The following SHE variants were observed in gnomAD, a reference collection of about 807,000 sequenced individuals.
The protein encoded by SHE is Src homology 2 domain containing E, also known as SH2 domain-containing adapter protein E.
In SHE, 11 loss-of-function variants were observed where a neutral mutation model predicts 49.8. The observed-to-expected ratio is 0.22, with a 90% confidence interval of 0.14 to 0.37. The LOEUF is 0.37. Ranked by LOEUF, SHE falls within the 10% of genes least tolerant of loss-of-function variation. SHE has a pLI of 1.00. For synonymous variants in SHE, 310 were observed against 278.1 expected (o/e 1.11, Z -1.14); for missense variants, 624 against 655.5 (o/e 0.95, Z 0.52).
chr1:154,483,830 A>C lies in SHE; in HGVS notation c.*319T>G. ...AAGACGGCGAAACCCCATCTCTACT[A>C]AAAATACAAAAAAAAAAATTAGCTG... On this transcript the variant is annotated 3_prime_UTR_variant, in exon 6 of 6. Coordinates refer to ENST00000304760, the MANE Select transcript of SHE (RefSeq NM_001010846.3). 1.3e-6 allele frequency: 1 copy of C among 761,296 alleles called. No individual in the cohort carries two copies. Among genetic ancestry groups the C allele is most frequent in the South Asian group, 4.9e-5 (1 of 20,474 alleles). The allele number at this position is 761,296 out of a possible 1,614,324, so 47.2% of individuals were successfully genotyped here.
At position 154,481,845 on chromosome 1, in the gene SHE, G is replaced by C. The variant is rs1298743611; in HGVS notation, c.*2304C>G. On this transcript the variant is annotated 3_prime_UTR_variant, in exon 6 of 6. Transcript: ENST00000304760. ...AGTATCTGAAAAAAACATTCCTTTTGGTTTTTTGTTTGCTTGCTTGTTGAG... is the reference window on the plus strand; with the variant it reads ...AGTATCTGAAAAAAACATTCCTTTTCGTTTTTTGTTTGCTTGCTTGTTGAG... 1.0e-6 allele frequency: 1 copy of C among 968,826 alleles called. No homozygotes were observed. Among genetic ancestry groups the C allele is most frequent in the African/African-American group, 1.8e-5 (1 of 56,812 alleles). The allele number at this position is 968,826 out of a possible 1,614,324, so 60.0% of individuals were successfully genotyped here.
chr1:154,492,253 ACCAC>A (rs1484969346), intron 2 of SHE, among the ~76,000 whole-genome samples: 1 of 152,184 alleles, frequency 6.6e-6, no homozygotes, highest in Non-Finnish European at 1.5e-5. Context: ...CACTGCTTTA[ACCAC>A]CAGAGGTTCA....
rs918568566 is a variant in SHE, at chr1:154,479,909, C to T, written c.*4240G>A. On this transcript the variant is annotated 3_prime_UTR_variant, in exon 6 of 6. Coordinates refer to ENST00000304760, the MANE Select transcript of SHE (RefSeq NM_001010846.3). ...TTTTTCAAGATGGCAACTGCTGTGT[C>T]ATCATTTTCCCTTTTCTGGACTGTA... 3.0e-6 allele frequency: 3 copies of T among 985,318 alleles called. No individual in the cohort carries two copies. Among genetic ancestry groups the T allele is most frequent in the South Asian group, 9.4e-5 (2 of 21,294 alleles). 61.0% of individuals were successfully genotyped at this position (985,318 alleles called of 1,614,324 possible). A position where few individuals can be genotyped will look rare whatever the true frequency, so the allele number is the denominator to read the frequency against.
chr1:154,490,818 T>G (rs575781524), intron 2 of SHE, among the ~76,000 whole-genome samples: 3 of 151,096 alleles, frequency 2.0e-5, no homozygotes, highest in African/African-American at 7.3e-5. Context: ...CAGTGGGGAA[T>G]AACAATTATA....
intron 3 of SHE, among the ~76,000 whole-genome samples, chr1:154,487,228 C>T (rs527242983): frequency 2.0e-5 from 3 of 149,398 alleles, no homozygotes; most frequent in South Asian, 2.1e-4. Context: ...GCCAAGATTG[C>T]GCCACGGCAC....
At chr1:154,485,182 G>A (rs1436431784) in intron 5 of SHE, 2 of 152,058 alleles carry the variant, frequency 1.3e-5, no homozygotes. Flanking sequence ...TAATCCACAA[G>A]CACCAATTTC....
intron 2 of SHE, 114 bp downstream of exon 2, chr1:154,498,998 C>G (rs1449286172): frequency 7.5e-7 from 1 of 1,341,300 alleles, no homozygotes; most frequent in Admixed American, 2.3e-5. Flanking sequence ...TTCAAGTCAG[C>G]AGGATCTGGG....
At chr1:154,501,178 G>C (rs1206664237) in intron 1 of SHE, among the ~76,000 whole-genome samples, 3 of 152,130 alleles carry the variant, frequency 2.0e-5, no homozygotes, top group Non-Finnish European at 4.4e-5. Context: ...CTCATTCAAC[G>C]ACTCTTCTAA....
intron 2 of SHE, among the ~76,000 whole-genome samples, chr1:154,498,363 T>G (rs909376718): frequency 6.6e-6 from 1 of 151,300 alleles, no homozygotes; most frequent in African/African-American, 2.4e-5. Flanking sequence ...CCCAAAGTGC[T>G]GGGATTATAG....
Position 154,486,781 on chromosome 1 carries a change from A to C in SHE, c.1025-98T>G, listed in dbSNP as rs1226801586. On this transcript the variant is annotated intron_variant, in intron 3 of 5. Transcript: ENST00000304760. ...CCTTGCCTGCCTTGGCTCAGGAAAGAAGCATTTTCCCCCTTTAACATTAAC... is the reference window on the plus strand; with the variant it reads ...CCTTGCCTGCCTTGGCTCAGGAAAGCAGCATTTTCCCCCTTTAACATTAAC... 7.1e-6 allele frequency: 10 copies of C among 1,400,050 alleles called. No individual in the cohort carries two copies. In the Admixed American group the frequency reaches 1.2e-4, roughly 17 times the overall value. The allele number at this position is 1,400,050 out of a possible 1,614,324, so 86.7% of individuals were successfully genotyped here.
chr1:154,496,205 A>G lies in SHE; in HGVS notation c.718+2907T>C, dbSNP rs376358265. Among the ~76,000 whole-genome samples the G allele has an allele frequency of 2.6e-5, 4 of 152,224 alleles. No individual in the cohort carries two copies. In the East Asian group the frequency reaches 7.7e-4, roughly 29 times the overall value. On this transcript the variant is annotated intron_variant, in intron 2 of 5. Transcript: ENST00000304760. ...AGGTGCTTTGTGATATATATTCTAA[A>G]TGAAGAAACTTTAAAATCCACGAGT...
rs530873306 is a variant in SHE at position 154,499,164 on chromosome 1, G to T, written c.666C>A (p.Val222=). The part of the protein sequence containing the change: ...RTKGQRDAER[V]GENDGYMEPY... Reference sequence around the variant, plus strand: ...GTTCCATGTAACCGTCGTTCTCTCCGACTCTCTCTGCATCCCTTTGACCCT... The same window carrying T: ...GTTCCATGTAACCGTCGTTCTCTCCTACTCTCTCTGCATCCCTTTGACCCT... Residue 222 remains valine (V), a synonymous_variant, in exon 2 of 6, where the codon GTC becomes GTA. Coordinates refer to ENST00000304760, the MANE Select transcript of SHE (RefSeq NM_001010846.3). 1.2e-6 allele frequency: 2 copies of T among 1,614,070 alleles called. No homozygotes were observed. Among genetic ancestry groups the T allele is most frequent in the Non-Finnish European group, 1.7e-6 (2 of 1,180,006 alleles).
At chr1:154,494,148 G>A (rs970369458) in intron 2 of SHE, among the ~76,000 whole-genome samples, 1 of 152,084 alleles carries the variant, frequency 6.6e-6, no homozygotes, top group East Asian at 1.9e-4. Flanking sequence ...AGGGCTGCCC[G>A]ACAATTTTTT....
chr1:154,479,633 TTACA>T lies in SHE; in HGVS notation c.*4512_*4515del, dbSNP rs1437324723. ...AAGGCACTATAGATAGACACCTATA[TTACA>T]TACAATCTTCAAACATTTTTAAAAG... On this transcript the variant is annotated 3_prime_UTR_variant, in exon 6 of 6. Coordinates refer to ENST00000304760, the MANE Select transcript of SHE (RefSeq NM_001010846.3). 3 of 963,500 alleles carry T rather than the reference TTACA, an allele frequency of 3.1e-6. No individual in the cohort carries two copies. The highest frequency in any genetic ancestry group is 3.5e-5 in the African/African-American group (2 of 56,878). 59.7% of individuals were successfully genotyped at this position (963,500 alleles called of 1,614,324 possible). A position where few individuals can be genotyped will look rare whatever the true frequency, so the allele number is the denominator to read the frequency against.
intron 2 of SHE, among the ~76,000 whole-genome samples, chr1:154,494,527 GTT>G (rs199901392): frequency 2.2e-4 from 28 of 126,346 alleles, no homozygotes; most frequent in Non-Finnish European, 3.3e-4. Context: ...GGAGTTTATA[GTT>G]TTTTTTTTTT....
chr1:154,486,835 G>T, intron 3 of SHE, 152 bp from the exon 4 acceptor site: 2 of 783,958 alleles, frequency 2.6e-6, no homozygotes, highest in Non-Finnish European at 3.9e-6. Flanking sequence ...ACCCTGGCTA[G>T]CTGAGCTCCT....
chr1:154,470,501 T>TGCCATCC (rs1162574878), intron 1 of SHE: 11 of 863,114 alleles, frequency 1.3e-5, no homozygotes, highest in Non-Finnish European at 1.5e-5. Context: ...AAACAGTGTT[T>TGCCATCC]GCCATCCTCC....
chr1:154,488,865 G>A (rs1458236691), intron 3 of SHE, among the ~76,000 whole-genome samples, 186 bp downstream of exon 3: 2 of 152,222 alleles, frequency 1.3e-5, no homozygotes, highest in East Asian at 1.9e-4. Flanking sequence ...GATTACAGGC[G>A]CAAGCCACCG....
Position 154,502,133 on chromosome 1 carries a change from T to C in SHE, c.-107A>G. On this transcript the variant is annotated 5_prime_UTR_variant, in exon 1 of 6. Coordinates refer to ENST00000304760, the MANE Select transcript of SHE (RefSeq NM_001010846.3). Reference sequence around the variant, plus strand: ...CCCGGCAGGGTGGGGTTCTCACGGCTCGGGGCGCCGAGCGGGCGGGCGCTA... The same window carrying C: ...CCCGGCAGGGTGGGGTTCTCACGGCCCGGGGCGCCGAGCGGGCGGGCGCTA... 1 of 940,490 alleles carries C rather than the reference T, an allele frequency of 1.1e-6. No individual in the cohort carries two copies. Among genetic ancestry groups the C allele is most frequent in the Non-Finnish European group, 1.4e-6 (1 of 735,428 alleles). The allele number at this position is 940,490 out of a possible 1,614,324, so 58.3% of individuals were successfully genotyped here. A position where few individuals can be genotyped will look rare whatever the true frequency, so the allele number is the denominator to read the frequency against.
Sources: gnomAD v4.1 joint callset for allele counts (sites outside exome capture counted in the v4.1 genomes callset) on GRCh38, gnomAD v4.1.1 for gene constraint, MANE v1.5 for transcripts, NCBI Gene and HGNC (gene_info 2026-07-23, HGNC 2026-07-21) for gene names.